The following PPP1R14C variants were observed in gnomAD, a reference collection of about 807,000 sequenced individuals.
The protein encoded by PPP1R14C is protein phosphatase 1 regulatory inhibitor subunit 14C, also known as protein phosphatase 1 regulatory subunit 14C.
In PPP1R14C, 16 loss-of-function variants were observed where a neutral mutation model predicts 20.4. The ratio of observed to expected loss-of-function variants is 0.78; its 90% confidence interval spans 0.53 to 1.19. The LOEUF is 1.19. Among genes scored for constraint, PPP1R14C ranks in the 50% most tolerant of loss-of-function variants. The probability of loss-of-function intolerance (pLI) is 0.00; values close to 1 mark genes in which losing one functional copy is unlikely to be tolerated. For synonymous variants in PPP1R14C, 91 were observed against 91.0 expected, an observed-to-expected ratio of 1.00 and a Z score of 0.00; for missense variants, 211 against 220.1, an observed-to-expected ratio of 0.96 and a Z score of 0.26.
At chr6:150,243,018 A>T (rs1267439168) in intron 3 of PPP1R14C, among the ~76,000 whole-genome samples, 1 of 152,228 alleles carries the variant, frequency 6.6e-6, no homozygotes, top group Non-Finnish European at 1.5e-5. Flanking sequence ...TTGCTGAGAT[A>T]AGTTAGTTCT....
Position 150,163,988 on chromosome 6 carries a change from C to T in PPP1R14C, c.306+20490C>T, listed in dbSNP as rs1222044029. 5.3e-5 allele frequency among the ~76,000 whole-genome samples: 8 copies of T among 152,210 alleles called. No homozygotes were observed. In the East Asian group the frequency reaches 1.3e-3, roughly 26 times the overall value. The stretch of plus-strand genomic sequence containing the variant: ...TTAAGTAATTGCACCAATCTACATG[C>T]CCACTGCACTATATGAAAGTTCTGA... On this transcript the variant is annotated intron_variant, in intron 1 of 3. Coordinates refer to ENST00000361131, the MANE Select transcript of PPP1R14C (RefSeq NM_030949.3).
At chr6:150,230,562 GTTGT>G (rs1310034597) in intron 3 of PPP1R14C, among the ~76,000 whole-genome samples, 2 of 152,120 alleles carry the variant, frequency 1.3e-5, no homozygotes, top group Admixed American at 6.5e-5. Flanking sequence ...TGTTGTTGTT[GTTGT>G]TTGTTTGTCT....
At chr6:150,171,386 ATAACAACAATC>A (rs1777497619) in intron 1 of PPP1R14C, among the ~76,000 whole-genome samples, 1 of 152,246 alleles carries the variant, frequency 6.6e-6, no homozygotes, top group Non-Finnish European at 1.5e-5. Context: ...TTGTTTGAGC[ATAACAACAATC>A]TAACTCTTTT....
intron 1 of PPP1R14C, among the ~76,000 whole-genome samples, chr6:150,206,531 T>G (rs1777953137): frequency 6.6e-6 from 1 of 152,192 alleles, no homozygotes; most frequent in South Asian, 2.1e-4. Flanking sequence ...AGCACTGGTA[T>G]TTGTTTTACA....
intron 1 of PPP1R14C, among the ~76,000 whole-genome samples, chr6:150,151,276 A>T (rs1179939064): frequency 6.6e-6 from 1 of 152,122 alleles, no homozygotes; most frequent in Non-Finnish European, 1.5e-5. Flanking sequence ...CTTCCTTAGG[A>T]AACCTGCTCC....
chr6:150,205,430 G>A (rs1777935966), intron 1 of PPP1R14C, among the ~76,000 whole-genome samples: 1 of 152,128 alleles, frequency 6.6e-6, no homozygotes, highest in Admixed American at 6.5e-5. Context: ...AGTGCTAAAT[G>A]GCTCACCCAA....
chr6:150,143,233 C>G lies in PPP1R14C; in HGVS notation c.41C>G (p.Ala14Gly). The G allele has an allele frequency of 2.9e-6, 4 of 1,381,270 alleles. No individual in the cohort carries two copies. The highest frequency in any genetic ancestry group is 2.8e-6 in the Non-Finnish European group (3 of 1,079,318). 85.6% of individuals were successfully genotyped at this position (1,381,270 alleles called of 1,614,324 possible). A position where few individuals can be genotyped will look rare whatever the true frequency, so the allele number is the denominator to read the frequency against. ...GGCAGCAGCGAGACGGCCGGCGGGG[C>G]CAGCGGCGGCGGCGCACGGGTTTTC... The part of the protein sequence containing the change: ...ATGSSETAGG[A>G]SGGGARVFFQ... The change falls in exon 1 of 4, where the codon GCC (alanine) becomes GGC (glycine). Residue 14 changes from alanine (A) to glycine (G), a missense_variant. Transcript: ENST00000361131. This position sits in a 1 kb window ranked among gnomAD's most constrained non-coding sequence, Gnocchi z 5.6.
chr6:150,182,649 C>T (rs569659487), intron 1 of PPP1R14C, among the ~76,000 whole-genome samples: 1 of 152,314 alleles, frequency 6.6e-6, no homozygotes, highest in South Asian at 2.1e-4. Flanking sequence ...ATAATAAAGA[C>T]ATGGACCTAC....
intron 3 of PPP1R14C, among the ~76,000 whole-genome samples, chr6:150,238,763 T>C (rs1027540500): frequency 3.9e-5 from 6 of 152,244 alleles, no homozygotes; most frequent in African/African-American, 1.4e-4. Context: ...GCTCAGTACA[T>C]ACTTATCAAA....
chr6:150,213,981 G>A (rs1778058762), intron 1 of PPP1R14C, among the ~76,000 whole-genome samples: 1 of 152,226 alleles, frequency 6.6e-6, no homozygotes, highest in Non-Finnish European at 1.5e-5. Flanking sequence ...CTAACGTGGA[G>A]TCAGCCTCAT....
chr6:150,161,674 C>T (rs966390016), intron 1 of PPP1R14C, among the ~76,000 whole-genome samples: 1 of 152,170 alleles, frequency 6.6e-6, no homozygotes, highest in Non-Finnish European at 1.5e-5. Context: ...CTATGGGAAA[C>T]AACTTTATCA....
chr6:150,147,421 G>T (rs1281907396), intron 1 of PPP1R14C, among the ~76,000 whole-genome samples: 1 of 151,880 alleles, frequency 6.6e-6, no homozygotes, highest in African/African-American at 2.4e-5. Context: ...CTCATGATCC[G>T]ACTGCCTCAG....
At chr6:150,177,030 C>G (rs967202970) in intron 1 of PPP1R14C, among the ~76,000 whole-genome samples, 2 of 152,210 alleles carry the variant, frequency 1.3e-5, no homozygotes, top group Admixed American at 6.5e-5. Flanking sequence ...TTGCTGCCTT[C>G]CCCATACCAG....
intron 3 of PPP1R14C, among the ~76,000 whole-genome samples, chr6:150,234,062 TG>T (rs1213862568): frequency 1.3e-5 from 2 of 152,156 alleles, no homozygotes; most frequent in Middle Eastern, 3.2e-3. Context: ...AGTGGCTCTG[TG>T]GGGGAGTCTA....
At position 150,174,717 on chromosome 6, in the gene PPP1R14C, C is replaced by A. The variant is rs1280578850; in HGVS notation, c.306+31219C>A. 2.0e-5 allele frequency among the ~76,000 whole-genome samples: 3 copies of A among 151,774 alleles called. No individual in the cohort carries two copies. The East Asian group carries it at 5.9e-4, about 30-fold the overall frequency. On this transcript the variant is annotated intron_variant, in intron 1 of 3. Coordinates refer to ENST00000361131, the MANE Select transcript of PPP1R14C (RefSeq NM_030949.3). ...CAGTGGCTCACGCCTGTAATCCCAG[C>A]ACTTTGGGAGGTGGAGGTGGACGGA...
intron 1 of PPP1R14C, among the ~76,000 whole-genome samples, chr6:150,174,357 C>T (rs1184603026): frequency 6.6e-6 from 1 of 152,000 alleles, no homozygotes; most frequent in Non-Finnish European, 1.5e-5. Flanking sequence ...GTAGCTGGGA[C>T]TACCGGTGCC....
chr6:150,162,035 C>A (rs1049177974), intron 1 of PPP1R14C, among the ~76,000 whole-genome samples: 2 of 150,340 alleles, frequency 1.3e-5, no homozygotes, highest in South Asian at 4.3e-4. Flanking sequence ...CATTTACCCC[C>A]CTCCGTTTAT....
chr6:150,155,556 T>TC (rs1488279169), intron 1 of PPP1R14C, among the ~76,000 whole-genome samples: 1 of 152,062 alleles, frequency 6.6e-6, no homozygotes, highest in Non-Finnish European at 1.5e-5. Context: ...TTGCACCATT[T>TC]CCCCCCAGAT....
At chr6:150,184,386 A>T (rs1481599574) in intron 1 of PPP1R14C, among the ~76,000 whole-genome samples, 6 of 152,180 alleles carry the variant, frequency 3.9e-5, no homozygotes, top group Non-Finnish European at 7.3e-5. Flanking sequence ...TATGCTGCAC[A>T]GGTGTGTGGA....
Sources: gnomAD v4.1 joint callset for allele counts (sites outside exome capture counted in the v4.1 genomes callset) on GRCh38, gnomAD v4.1.1 for gene constraint, Gnocchi (gnomAD v3.1) non-coding constraint, MANE v1.5 for transcripts, NCBI Gene and HGNC (gene_info 2026-07-23, HGNC 2026-07-21) for gene names.